TSPAN32: variants seen among roughly 807,000 people sequenced by gnomAD.
The protein encoded by TSPAN32 is tetraspanin-32.
A neutral mutation model predicts 42.7 loss-of-function variants in TSPAN32; 47 were observed. The ratio of observed to expected loss-of-function variants is 1.10; its 90% CI spans 0.87 to 1.40. The LOEUF is 1.40. Among genes scored for constraint, TSPAN32 ranks in the 40% most tolerant of loss-of-function variants. TSPAN32 has a pLI of 0.00. For synonymous variants in TSPAN32, 175 were observed against 175.9 expected, an observed-to-expected ratio of 0.99 and a Z score of 0.04; for missense variants, 469 against 424.1, an observed-to-expected ratio of 1.11 and a Z score of -0.93.
chr11:2,308,691 G>T (rs747785296), intron 3 of TSPAN32, 45 bp from the exon 4 acceptor site: 6 of 873,746 alleles, frequency 6.9e-6, no homozygotes, highest in African/African-American at 5.7e-5. Context: ...CCAGCCCCCC[G>T]CAGTGACCAG....
At chr11:2,315,156 G>GCCCAA in intron 6 of TSPAN32, 1 of 711,594 alleles carries the variant, frequency 1.4e-6, no homozygotes, top group Non-Finnish European at 1.9e-6. Flanking sequence ...GTGCCCGGCA[G>GCCCAA]CCCTCCCCCA....
Position 2,317,345 on chromosome 11 carries a change from G to C in TSPAN32, c.721G>C (p.Ala241Pro). 3 of 1,586,970 alleles carry C rather than the reference G, an allele frequency of 1.9e-6. No individual in the cohort carries two copies. The South Asian group carries it at 3.4e-5, about 18-fold the overall frequency. ...CCCCATGATCCCCTTGCTCCTCAGA[G>C]CATGTGGCCGCCAGCCCCAGGAGCC... is the stretch of plus-strand genomic sequence containing the variant. ...RKGKYTLTPR[A>P]CGRQPQEPSL... The change falls in exon 9 of 10, where the codon GCA (alanine) becomes CCA (proline). Residue 241 changes from alanine (A) to proline (P), a missense_variant and splice_region_variant. Physicochemically the swap from Ala to Pro is conservative, Grantham distance 27 (BLOSUM62 -1). Transcript: ENST00000182290. This position sits in a 1 kb window ranked among gnomAD's most constrained non-coding sequence, Gnocchi z 6.2.
intron 3 of TSPAN32, among the ~76,000 whole-genome samples, chr11:2,305,199 C>T (rs1848003583): frequency 1.3e-5 from 2 of 152,248 alleles, no homozygotes; most frequent in African/African-American, 2.4e-5. Flanking sequence ...GCCGGGCCAA[C>T]CAGCCCTGGG....
At chr11:2,305,384 A>T (rs11823682) in intron 3 of TSPAN32, among the ~76,000 whole-genome samples, 1 of 122,734 alleles carries the variant, frequency 8.1e-6, no homozygotes. Context: ...CCCCCCCCAG[A>T]GGGTGTGTGG....
At position 2,316,312 on chromosome 11, in the gene TSPAN32, G is replaced by A. The variant is rs777282787; in HGVS notation, c.627G>A (p.Thr209=). 3.8e-6 allele frequency: 6 copies of A among 1,596,912 alleles called. No individual in the cohort carries two copies. Among genetic ancestry groups the A allele is most frequent in the South Asian group, 1.1e-5 (1 of 88,774 alleles). The part of the protein sequence containing the change: ...SSLTSIGLAL[T]VSALLFSSFL... Reference sequence around the variant, plus strand: ...TGACCAGCATCGGCCTGGCCCTCACGGTACCCTCTCGCCTCCCTCACTGCC... The same window carrying A: ...TGACCAGCATCGGCCTGGCCCTCACAGTACCCTCTCGCCTCCCTCACTGCC... Residue 209 remains threonine (T), a splice_region_variant and synonymous_variant, in exon 7 of 10, where the codon ACG becomes ACA. Transcript: ENST00000182290.
chr11:2,315,034 A>AGGGTCGGC, intron 6 of TSPAN32: 1 of 274,366 alleles, frequency 3.6e-6, no homozygotes, highest in Non-Finnish European at 7.1e-6. Flanking sequence ...GAGGAGAAGA[A>AGGGTCGGC]GTAGGCCAGG....
chr11:2,308,045 C>A (rs961455795), intron 3 of TSPAN32, among the ~76,000 whole-genome samples: 1 of 152,154 alleles, frequency 6.6e-6, no homozygotes, highest in Non-Finnish European at 1.5e-5. Flanking sequence ...CTGTCCAGGT[C>A]CATGCCCCTC....
Position 2,317,375 on chromosome 11 carries a change from C to G in TSPAN32, c.751C>G (p.Leu251Val). 6.3e-7 allele frequency: 1 copy of G among 1,597,810 alleles called. No homozygotes were observed. The highest frequency in any genetic ancestry group is 1.1e-5 in the South Asian group (1 of 88,280). Residue 251 changes from leucine to valine, a missense_variant, in exon 9 of 10, where the codon CTC becomes GTC. Coordinates refer to ENST00000182290, the MANE Select transcript of TSPAN32 (RefSeq NM_139022.3). The surrounding 1 kb of genome is among the most constrained non-coding windows in gnomAD (Gnocchi z 6.2). Reference protein sequence around the residue: ...ACGRQPQEPSLLRCSQGGPTH... With the variant: ...ACGRQPQEPSVLRCSQGGPTH... ...TGGCCGCCAGCCCCAGGAGCCCAGCCTCTTGAGATGCTCCCAGGGTGGACC... is the reference window on the plus strand; with the variant it reads ...TGGCCGCCAGCCCCAGGAGCCCAGCGTCTTGAGATGCTCCCAGGGTGGACC...
At position 2,317,937 on chromosome 11, in the gene TSPAN32, G is replaced by C. The variant is rs767549989; in HGVS notation, c.*13G>C. ...TCTCTCAGACTGACGTCAGGCCTTG[G>C]TGGGCTGCACTCTCACCTGGAGGCT... is the stretch of plus-strand genomic sequence containing the variant. On this transcript the variant is annotated 3_prime_UTR_variant, in exon 10 of 10. Coordinates refer to ENST00000182290, the MANE Select transcript of TSPAN32 (RefSeq NM_139022.3). The surrounding 1 kb of genome is among the most constrained non-coding windows in gnomAD (Gnocchi z 6.2). The C allele has an allele frequency of 1.1e-6, 1 of 945,138 alleles. No homozygotes were observed. The highest frequency in any genetic ancestry group is 1.8e-6 in the Non-Finnish European group (1 of 570,330). 58.5% of individuals were successfully genotyped at this position (945,138 alleles called of 1,614,324 possible).
In TSPAN32 at chr11:2,317,066, G is replaced by A. The variant is rs181007857; in HGVS notation, c.720-278G>A. On this transcript the variant is annotated intron_variant, in intron 8 of 9. Transcript: ENST00000182290. This position sits in a 1 kb window ranked among gnomAD's most constrained non-coding sequence, Gnocchi z 6.2. Reference sequence around the variant, plus strand: ...TTCCTGCCCCCACGGAGCCTGGCCCGTCTCTGCCTGCCATGCCCATTAACC... The same window carrying A: ...TTCCTGCCCCCACGGAGCCTGGCCCATCTCTGCCTGCCATGCCCATTAACC... Among the ~76,000 whole-genome samples the A allele has an allele frequency of 8.5e-5, 13 of 152,152 alleles. No homozygotes were observed. The East Asian group carries it at 2.1e-3, about 25-fold the overall frequency.
chr11:2,315,625 G>T, intron 6 of TSPAN32: 1 of 1,183,740 alleles, frequency 8.4e-7, no homozygotes, highest in African/African-American at 1.6e-5. Flanking sequence ...GGGGACAGGA[G>T]GGTGAGCCCT....
Position 2,317,960 on chromosome 11 carries a change from G to T in TSPAN32, c.*36G>T. The T allele has an allele frequency of 1.2e-6, 1 of 826,678 alleles. No individual in the cohort carries two copies. The allele number at this position is 826,678 out of a possible 1,614,324, so 51.2% of individuals were successfully genotyped here. A position where few individuals can be genotyped will look rare whatever the true frequency, so the allele number is the denominator to read the frequency against. ...TGGTGGGCTGCACTCTCACCTGGAG[G>T]CTCCGGGGAAGCATCTGCCTCCAGG... On this transcript the variant is annotated 3_prime_UTR_variant, in exon 10 of 10. Transcript: ENST00000182290. The surrounding 1 kb of genome is among the most constrained non-coding windows in gnomAD (Gnocchi z 6.2).
chr11:2,304,390 C>T lies in TSPAN32; in HGVS notation c.279+186C>T, dbSNP rs576459381. On this transcript the variant is annotated intron_variant, in intron 3 of 9. Transcript: ENST00000182290. This position sits in a 1 kb window ranked among gnomAD's most constrained non-coding sequence, Gnocchi z 4.8. ...CTGAGTATCTAGGCAGAAACAGAGG[C>T]CCCAGGGATGCTAGCCAGCCGAGAC... is the stretch of plus-strand genomic sequence containing the variant. 7.9e-4 allele frequency among the ~76,000 whole-genome samples: 120 copies of T among 152,166 alleles called. 3 individuals are homozygous for T. In the South Asian group the frequency reaches 0.023, roughly 29 times the overall value.
chr11:2,317,928 C>CA lies in TSPAN32; in HGVS notation c.*5dup. ...TGAGCGGGGTCTCTCAGACTGACGT[C>CA]AGGCCTTGGTGGGCTGCACTCTCAC... is the stretch of plus-strand genomic sequence containing the variant. On this transcript the variant is annotated 3_prime_UTR_variant, in exon 10 of 10. Coordinates refer to ENST00000182290, the MANE Select transcript of TSPAN32 (RefSeq NM_139022.3). The surrounding 1 kb of genome is among the most constrained non-coding windows in gnomAD (Gnocchi z 6.2). 9.8e-7 allele frequency: 1 copy of CA among 1,020,780 alleles called. No individual in the cohort carries two copies. Among genetic ancestry groups the CA allele is most frequent in the Non-Finnish European group, 1.6e-6 (1 of 638,842 alleles). The allele number at this position is 1,020,780 out of a possible 1,614,324, so 63.2% of individuals were successfully genotyped here.
intron 4 of TSPAN32, among the ~76,000 whole-genome samples, chr11:2,309,677 A>T (rs1358161105): frequency 5.9e-5 from 9 of 152,194 alleles, no homozygotes; most frequent in Non-Finnish European, 1.5e-5. Flanking sequence ...GCCCTCAAAC[A>T]CAGGCTTGGC....
chr11:2,306,769 G>A (rs1848115777), intron 3 of TSPAN32, among the ~76,000 whole-genome samples: 2 of 137,244 alleles, frequency 1.5e-5, no homozygotes, highest in South Asian at 2.6e-4. Context: ...AGGAGAAGGA[G>A]GGAGAAAGAG....
Position 2,313,818 on chromosome 11 carries a change from A to G in TSPAN32, c.456+63A>G, listed in dbSNP as rs1383555556. 10 of 1,337,542 alleles carry G rather than the reference A, an allele frequency of 7.5e-6. No homozygotes were observed. Among genetic ancestry groups the G allele is most frequent in the Middle Eastern group, 2.0e-4 (1 of 4,990 alleles). The allele number at this position is 1,337,542 out of a possible 1,614,324, so 82.9% of individuals were successfully genotyped here. A position where few individuals can be genotyped will look rare whatever the true frequency, so the allele number is the denominator to read the frequency against. On this transcript the variant is annotated intron_variant, in intron 5 of 9. Coordinates refer to ENST00000182290, the MANE Select transcript of TSPAN32 (RefSeq NM_139022.3). The surrounding 1 kb of genome is among the most constrained non-coding windows in gnomAD (Gnocchi z 9.1). ...TTCTGCTTGGACTGCAGTTCAGAGA[A>G]CAGGCGCAGGGTGGCCAGTGAGAGG...
chr11:2,302,920 C>A lies in TSPAN32; in HGVS notation c.143C>A (p.Ser48Tyr). 6.2e-7 allele frequency: 1 copy of A among 1,613,734 alleles called. No homozygotes were observed. The highest frequency in any genetic ancestry group is 8.5e-7 in the Non-Finnish European group (1 of 1,179,850). The change falls in exon 2 of 10, where the codon TCC becomes TAC. Residue 48 changes from serine to tyrosine, a missense_variant. Ser to Tyr is a moderately radical substitution (Grantham distance 144). Coordinates refer to ENST00000182290, the MANE Select transcript of TSPAN32 (RefSeq NM_139022.3). ...CACTTTGCTGTCATCCGCCGAGCGT[C>A]CCTGGAGAAGAACCCGTACCAGGCT... ...GAHFAVIRRA[S>Y]LEKNPYQAVH...
At chr11:2,302,331 C>T (rs1429027879) in intron 1 of TSPAN32, 116 bp downstream of exon 1, 3 of 1,142,394 alleles carry the variant, frequency 2.6e-6, no homozygotes, top group African/African-American at 1.6e-5. Flanking sequence ...GCCCTACTGT[C>T]CCTGTCCTGC....
Sources: gnomAD v4.1 joint callset for allele counts (sites outside exome capture counted in the v4.1 genomes callset) on GRCh38, gnomAD v4.1.1 for gene constraint, Gnocchi (gnomAD v3.1) non-coding constraint, MANE v1.5 for transcripts, NCBI Gene and HGNC (gene_info 2026-07-23, HGNC 2026-07-21) for gene names.